INPP4A: variants seen among roughly 807,000 people sequenced by gnomAD.
INPP4A encodes the protein inositol polyphosphate-4-phosphatase, type I, 107kD.
Under a neutral mutation model 119.8 loss-of-function variants are expected in INPP4A, and 33 were observed. The observed-to-expected ratio is 0.28, with a 90% CI of 0.21 to 0.37. The LOEUF is 0.37. Among genes scored for constraint, INPP4A ranks in the 10% least tolerant of loss-of-function variants. The pLI is 1.00. For missense variants in INPP4A, 956 were observed against 1,289.9 expected (o/e 0.74, Z 3.97); for synonymous variants, 496 against 500.7 (o/e 0.99, Z 0.12).
intron 23 of INPP4A, among the ~76,000 whole-genome samples, chr2:98,573,693 C>T (rs879312530): frequency 9.2e-5 from 14 of 152,136 alleles, no homozygotes; most frequent in Non-Finnish European, 1.6e-4. Flanking sequence ...TGTGCCTCTC[C>T]GTCTTGTCAG....
rs971465384 is a variant in INPP4A, at chr2:98,590,561, T to C, written c.*2953T>C. On this transcript the variant is annotated 3_prime_UTR_variant, in exon 25 of 25. Coordinates refer to ENST00000409851, the MANE Select transcript of INPP4A (RefSeq NM_001134225.2). ...TAAATGGTAGCCATTGTTGTTACCT[T>C]CCCGTCTGTGAACATGGATCACATC... 5.1e-6 allele frequency: 1 copy of C among 196,742 alleles called. No homozygotes were observed. The highest frequency in any genetic ancestry group is 2.3e-5 in the African/African-American group (1 of 43,252). The allele number at this position is 196,742 out of a possible 1,614,324, so 12.2% of individuals were successfully genotyped here. A position where few individuals can be genotyped will look rare whatever the true frequency, so the allele number is the denominator to read the frequency against.
chr2:98,502,782 G>C (rs1405755361), intron 1 of INPP4A, among the ~76,000 whole-genome samples: 2 of 152,140 alleles, frequency 1.3e-5, no homozygotes, highest in East Asian at 3.9e-4. Context: ...TTATGGGTGA[G>C]GTCACCAAGG....
At chr2:98,508,104 C>G (rs771647897) in intron 1 of INPP4A, among the ~76,000 whole-genome samples, 7 of 152,160 alleles carry the variant, frequency 4.6e-5, no homozygotes, top group Non-Finnish European at 8.8e-5. Flanking sequence ...GCAGCTGCAG[C>G]CACACCTCTC....
At chr2:98,504,501 G>A (rs1267018975) in intron 1 of INPP4A, among the ~76,000 whole-genome samples, 1 of 152,206 alleles carries the variant, frequency 6.6e-6, no homozygotes, top group Non-Finnish European at 1.5e-5. Context: ...GTTTGTTGTT[G>A]AGGAAGCTAG....
chr2:98,551,016 C>T (rs1332424452), intron 13 of INPP4A, among the ~76,000 whole-genome samples: 1 of 151,976 alleles, frequency 6.6e-6, no homozygotes, highest in Non-Finnish European at 1.5e-5. Context: ...AGTGCACTGG[C>T]ACCGTCATAA....
chr2:98,568,746 C>T, intron 22 of INPP4A, 78 bp downstream of exon 22: 1 of 802,800 alleles, frequency 1.2e-6, no homozygotes, highest in Middle Eastern at 2.2e-4. Context: ...CTGGCTTGCC[C>T]TGCCTCTGTG....
chr2:98,481,161 T>C (rs1304784673), intron 1 of INPP4A, among the ~76,000 whole-genome samples: 1 of 152,156 alleles, frequency 6.6e-6, no homozygotes, highest in Non-Finnish European at 1.5e-5. Flanking sequence ...CACTGTGAAC[T>C]TTTCCTGCAT....
At chr2:98,544,064 C>T in intron 11 of INPP4A, 57 bp downstream of exon 11, 2 of 1,424,320 alleles carry the variant, frequency 1.4e-6, no homozygotes, top group Non-Finnish European at 1.9e-6. Context: ...CACACACACA[C>T]TCTCACTCTC....
intron 1 of INPP4A, among the ~76,000 whole-genome samples, chr2:98,513,407 A>G (rs1685502941): frequency 6.6e-6 from 1 of 152,218 alleles, no homozygotes; most frequent in African/African-American, 2.4e-5. Context: ...CTTTGCATTA[A>G]AAGTTGATTC....
intron 1 of INPP4A, among the ~76,000 whole-genome samples, chr2:98,467,514 C>G (rs1256460773): frequency 6.6e-6 from 1 of 152,216 alleles, no homozygotes; most frequent in African/African-American, 2.4e-5. Context: ...ACACCGTCCA[C>G]ATGTGGGGAC....
rs777355583 is a variant in INPP4A, at chr2:98,543,878, G to A, written c.820G>A (p.Val274Met). Residue 274 changes from valine to methionine, a missense_variant and splice_region_variant, in exon 11 of 25, where the codon GTG becomes ATG. Physicochemically the swap from Val to Met is conservative, Grantham distance 21. This residue lies in a region of INPP4A where 652 missense variants were observed against 797.9 expected (regional missense o/e 0.82). Coordinates refer to ENST00000409851, the MANE Select transcript of INPP4A (RefSeq NM_001134225.2). ...GATGCATCTGTGTCTTGCTTTCAGAGTGTGTGAGCTGGAGGAGCTGGGAGA... is the reference window on the plus strand; with the variant it reads ...GATGCATCTGTGTCTTGCTTTCAGAATGTGTGAGCTGGAGGAGCTGGGAGA... ...KLLLEEDAAR[V>M]CELEELGELS... The A allele has an allele frequency of 3.3e-5, 54 of 1,613,504 alleles. No homozygotes were observed. The South Asian group carries it at 5.3e-4, about 16-fold the overall frequency.
intron 1 of INPP4A, among the ~76,000 whole-genome samples, chr2:98,474,609 C>T (rs1358742546): frequency 6.6e-6 from 1 of 152,196 alleles, no homozygotes. Flanking sequence ...GGCCCTAGCC[C>T]TGGGCCTTTG....
chr2:98,452,919 A>G (rs908320719), intron 1 of INPP4A, among the ~76,000 whole-genome samples: 9 of 151,940 alleles, frequency 5.9e-5, no homozygotes, highest in Non-Finnish European at 8.8e-5. Context: ...CTACGCTGCT[A>G]CTCCTTGCTC....
chr2:98,470,690 C>T (rs993980345), intron 1 of INPP4A, among the ~76,000 whole-genome samples: 5 of 151,380 alleles, frequency 3.3e-5, no homozygotes, highest in South Asian at 4.2e-4. Flanking sequence ...TTTTTTGAGA[C>T]GGAGTCTTGC....
chr2:98,529,432 G>A (rs1333165067), intron 4 of INPP4A, among the ~76,000 whole-genome samples: 1 of 152,080 alleles, frequency 6.6e-6, no homozygotes, highest in African/African-American at 2.4e-5. Flanking sequence ...AACTCTGAAT[G>A]TCTTTAAAAA....
chr2:98,520,996 G>A, intron 4 of INPP4A: 1 of 342,686 alleles, frequency 2.9e-6, no homozygotes, highest in South Asian at 5.0e-5. Flanking sequence ...GGTGGCTGGG[G>A]ACAGGGAGGT....
At chr2:98,473,504 T>C (rs577264694) in intron 1 of INPP4A, among the ~76,000 whole-genome samples, 4 of 151,428 alleles carry the variant, frequency 2.6e-5, no homozygotes, top group Non-Finnish European at 5.9e-5. Context: ...CAGTTGAGAG[T>C]GTGGAGGGCA....
chr2:98,446,082 CAG>C (rs1694134117), intron 1 of INPP4A, among the ~76,000 whole-genome samples: 1 of 152,210 alleles, frequency 6.6e-6, no homozygotes, highest in Admixed American at 6.5e-5. Context: ...GGGTTGAGGA[CAG>C]AGTGGGTTGA....
rs1697254304 is a variant in INPP4A at position 98,570,513 on chromosome 2, A to AT, written c.2518+1846dup. The stretch of plus-strand genomic sequence containing the variant: ...GGGCCAGGGATCAAGGGGTGATGAA[A>AT]TGGTGCTGCCCTGGAATGGACCACT... On this transcript the variant is annotated intron_variant, in intron 22 of 24. Coordinates refer to ENST00000409851, the MANE Select transcript of INPP4A (RefSeq NM_001134225.2). The surrounding 1 kb of genome is among the most constrained non-coding windows in gnomAD (Gnocchi z 4.3). Among the ~76,000 whole-genome samples, 1 of 152,106 alleles carries AT rather than the reference A, an allele frequency of 6.6e-6. No homozygotes were observed. The highest frequency in any genetic ancestry group is 1.5e-5 in the Non-Finnish European group (1 of 68,008).
Sources: allele counts gnomAD v4.1 joint callset (sites outside exome capture counted in the v4.1 genomes callset), GRCh38; gene constraint gnomAD v4.1.1; regional missense constraint gnomAD v4.1.1; non-coding constraint Gnocchi (gnomAD v3.1); transcripts MANE v1.5; gene names NCBI Gene and HGNC (gene_info 2026-07-23, HGNC 2026-07-21).